The following BTBD9 variants were observed in gnomAD, a reference collection of about 807,000 sequenced individuals.
BTBD9 encodes the protein BTB/POZ domain-containing protein 9.
In BTBD9, 49 loss-of-function variants were observed where a neutral mutation model predicts 64.3. That is an observed-to-expected ratio of 0.76 (90% CI 0.61 to 0.97). The LOEUF (loss-of-function observed/expected upper bound fraction) is 0.97. BTBD9 is among the 50% of genes least tolerant of loss of function. The pLI, the probability that BTBD9 is intolerant of heterozygous loss-of-function variation, is 0.00. For missense variants in BTBD9, 598 were observed against 762.1 expected, an observed-to-expected ratio of 0.78 and a Z score of 2.53; for synonymous variants, 260 against 274.7, an observed-to-expected ratio of 0.95 and a Z score of 0.53.
intron 9 of BTBD9, among the ~76,000 whole-genome samples, chr6:38,223,176 G>A (rs1345625126): frequency 6.6e-6 from 1 of 152,146 alleles, no homozygotes; most frequent in Admixed American, 6.5e-5. Context: ...CAAAGTGCTA[G>A]GATTACAGGC....
chr6:38,414,476 AT>A (rs1767578545), intron 6 of BTBD9, among the ~76,000 whole-genome samples: 1 of 152,224 alleles, frequency 6.6e-6, no homozygotes, highest in Admixed American at 6.5e-5. Flanking sequence ...ACCATATATT[AT>A]TTTTTAAAAA....
intron 7 of BTBD9, among the ~76,000 whole-genome samples, chr6:38,291,705 G>A (rs1290004643): frequency 6.6e-6 from 1 of 152,070 alleles, no homozygotes; most frequent in African/African-American, 2.4e-5. Flanking sequence ...AGCATGAAGG[G>A]GTGTTGAATT....
chr6:38,210,866 T>C (rs1762810600), intron 9 of BTBD9, among the ~76,000 whole-genome samples: 1 of 152,316 alleles, frequency 6.6e-6, no homozygotes, highest in Non-Finnish European at 1.5e-5. Flanking sequence ...AGAGAGAAAC[T>C]GGGACTCTTC....
intron 1 of BTBD9, among the ~76,000 whole-genome samples, chr6:38,629,170 A>T (rs923885360): frequency 6.6e-6 from 1 of 152,222 alleles, no homozygotes; most frequent in Non-Finnish European, 1.5e-5. Context: ...GAGTGATGGA[A>T]TTAGGAAATC....
chr6:38,517,999 G>A lies in BTBD9; in HGVS notation c.1154+59601C>T, dbSNP rs75055409. ...GAAATTAAGAAGAAATCATTAAAAC[G>A]CACATTTTCAAAATACACTGAGTCA... On this transcript the variant is annotated intron_variant, in intron 6 of 10. Transcript: ENST00000481247. Among the ~76,000 whole-genome samples, 162 of 152,198 alleles carry A rather than the reference G, an allele frequency of 1.1e-3. 3 individuals are homozygous for A. The East Asian group carries it at 0.014, about 14-fold the overall frequency.
chr6:38,484,192 T>C (rs187082508), intron 6 of BTBD9, among the ~76,000 whole-genome samples: 1 of 152,236 alleles, frequency 6.6e-6, no homozygotes, highest in African/African-American at 2.4e-5. Context: ...TGAGACATAA[T>C]AACTAGTGCA....
At chr6:38,429,109 G>A (rs938200998) in intron 6 of BTBD9, among the ~76,000 whole-genome samples, 1 of 151,654 alleles carries the variant, frequency 6.6e-6, no homozygotes, top group Non-Finnish European at 1.5e-5. Context: ...AGAGCCAAGA[G>A]CAAAATCCAG....
chr6:38,176,718 G>A (rs1761271185), intron 10 of BTBD9, among the ~76,000 whole-genome samples: 1 of 152,120 alleles, frequency 6.6e-6, no homozygotes, highest in African/African-American at 2.4e-5. Flanking sequence ...CTCTGCCCTG[G>A]GCTAGGCCAG....
At chr6:38,364,201 A>C (rs1464702542) in intron 6 of BTBD9, among the ~76,000 whole-genome samples, 1 of 152,162 alleles carries the variant, frequency 6.6e-6, no homozygotes, top group Non-Finnish European at 1.5e-5. Context: ...TTTGGGGATC[A>C]TTTTATAGGA....
intron 6 of BTBD9, among the ~76,000 whole-genome samples, chr6:38,472,154 C>T (rs966203677): frequency 2.0e-5 from 3 of 152,170 alleles, no homozygotes; most frequent in South Asian, 4.1e-4. Flanking sequence ...ATCCTATCTC[C>T]GCTAAATATA....
At chr6:38,376,881 G>T (rs1044977123) in intron 6 of BTBD9, among the ~76,000 whole-genome samples, 2 of 152,150 alleles carry the variant, frequency 1.3e-5, no homozygotes, top group South Asian at 2.1e-4. Flanking sequence ...TACAATGACT[G>T]CCATTTGAAT....
At chr6:38,500,595 A>G (rs1413864293) in intron 6 of BTBD9, among the ~76,000 whole-genome samples, 1 of 152,196 alleles carries the variant, frequency 6.6e-6, no homozygotes, top group Non-Finnish European at 1.5e-5. Context: ...ATTCTCTTCC[A>G]TTAACTCTGA....
At position 38,374,296 on chromosome 6, in the gene BTBD9, T is replaced by TACATATATATAC. The variant is rs1491482634; in HGVS notation, c.1155-29204_1155-29203insGTATATATATGT. Among the ~76,000 whole-genome samples, 2 of 70,664 alleles carry TACATATATATAC rather than the reference T, an allele frequency of 2.8e-5. 1 individual carries two copies. The highest frequency in any genetic ancestry group is 4.8e-5 in the Non-Finnish European group (2 of 41,914). 46.4% of individuals were successfully genotyped at this position (70,664 alleles called of 152,430 possible). A position where few individuals can be genotyped will look rare whatever the true frequency, so the allele number is the denominator to read the frequency against. ...AAAAAAAAAAAAGTATATATATATATGTATATATATGTATATATATATATA... is the reference window on the plus strand; with the variant it reads ...AAAAAAAAAAAAGTATATATATATATACATATATATACGTATATATATGTATATATATATATA... On this transcript the variant is annotated intron_variant, in intron 6 of 10. Transcript: ENST00000481247.
At chr6:38,357,079 C>G (rs1235855448) in intron 6 of BTBD9, among the ~76,000 whole-genome samples, 1 of 152,154 alleles carries the variant, frequency 6.6e-6, no homozygotes, top group Admixed American at 6.5e-5. Context: ...TCTGTTTTAT[C>G]CACCTCAGAG....
intron 8 of BTBD9, among the ~76,000 whole-genome samples, chr6:38,272,943 T>C (rs913989571): frequency 6.6e-6 from 1 of 152,208 alleles, no homozygotes; most frequent in African/African-American, 2.4e-5. Flanking sequence ...ATTAGAGCTA[T>C]TGTTCTAGAT....
At chr6:38,465,324 T>C (rs1340235456) in intron 6 of BTBD9, among the ~76,000 whole-genome samples, 1 of 150,514 alleles carries the variant, frequency 6.6e-6, no homozygotes, top group Non-Finnish European at 1.5e-5. Flanking sequence ...ATTTAATATA[T>C]ATGGGTACTC....
At chr6:38,563,850 T>C (rs1775357098) in intron 6 of BTBD9, among the ~76,000 whole-genome samples, 1 of 151,106 alleles carries the variant, frequency 6.6e-6, no homozygotes, top group Non-Finnish European at 1.5e-5. Flanking sequence ...GGCACGATCT[T>C]GGCTCACTGC....
intron 7 of BTBD9, among the ~76,000 whole-genome samples, chr6:38,293,121 T>C (rs1443198192): frequency 6.6e-6 from 1 of 152,178 alleles, no homozygotes; most frequent in East Asian, 1.9e-4. Context: ...CATGTAGTTG[T>C]GCAGTTTTGA....
In BTBD9 at chr6:38,505,578, C is replaced by T. The variant is rs774160896; in HGVS notation, c.1154+72022G>A. On this transcript the variant is annotated intron_variant, in intron 6 of 10. Transcript: ENST00000481247. ...GGCGGAGGTTGCAGTGAGCCGAGAT[C>T]GCACCACTGCACTCCAGCCTGAGCG... 6.0e-5 allele frequency among the ~76,000 whole-genome samples: 9 copies of T among 149,472 alleles called. No homozygotes were observed. The South Asian group carries it at 6.4e-4, about 11-fold the overall frequency.
Sources: allele counts gnomAD v4.1 joint callset (sites outside exome capture counted in the v4.1 genomes callset), GRCh38; gene constraint gnomAD v4.1.1; transcripts MANE v1.5; gene names NCBI Gene and HGNC (gene_info 2026-07-23, HGNC 2026-07-21).